Variants in SS18 observed in about 807,000 individuals in gnomAD.
SS18 encodes the protein protein SSXT.
SS18 carries 28 observed loss-of-function variants against 72.5 expected under a neutral mutation model. The ratio of observed to expected loss-of-function variants is 0.39; its 90% CI spans 0.29 to 0.53. SS18 has a LOEUF of 0.53. Among genes scored for constraint, SS18 ranks in the 20% least tolerant of loss-of-function variants. SS18 has a pLI of 0.76. For missense variants in SS18, 518 were observed against 535.3 expected (o/e 0.97, Z 0.32); for synonymous variants, 172 against 164.2 (o/e 1.05, Z -0.37).
In SS18 at chr18:26,052,918, ATT is replaced by A. The variant is rs35102280; in HGVS notation, c.386-75_386-74del. ...GTCCATACAAAAGTACCTGGAAATA[ATT>A]TTTTTTTTGCATTATTATAGTAATA... On this transcript the variant is annotated intron_variant, in intron 4 of 10. Coordinates refer to ENST00000415083, the MANE Select transcript of SS18 (RefSeq NM_001007559.3). The A allele has an allele frequency of 9.4e-4, 1,132 of 1,206,422 alleles. 6 individuals carry two copies. In the African/African-American group the frequency reaches 0.014, roughly 15 times the overall value. 74.7% of individuals were successfully genotyped at this position (1,206,422 alleles called of 1,614,324 possible). A position where few individuals can be genotyped will look rare whatever the true frequency, so the allele number is the denominator to read the frequency against.
chr18:26,036,030 G>A, intron 7 of SS18, 107 bp from the exon 8 acceptor site: 18 of 752,784 alleles, frequency 2.4e-5, no homozygotes, highest in East Asian at 1.1e-4. Context: ...AAAAAGAAAT[G>A]GAACATAAAA....
chr18:26,018,441 T>C, intron 10 of SS18, 61 bp from the exon 11 acceptor site: 2 of 1,297,730 alleles, frequency 1.5e-6, no homozygotes, highest in East Asian at 2.5e-5. Context: ...GCAAAGAAGA[T>C]TACAAACGAA....
chr18:26,026,267 T>C (rs2053445883), intron 10 of SS18, among the ~76,000 whole-genome samples: 1 of 152,184 alleles, frequency 6.6e-6, no homozygotes, highest in South Asian at 2.1e-4. Context: ...AACAAAATTT[T>C]AGCTAATCAA....
chr18:26,046,928 C>A (rs2053833970), intron 5 of SS18, among the ~76,000 whole-genome samples: 1 of 152,154 alleles, frequency 6.6e-6, no homozygotes, highest in Admixed American at 6.5e-5. Context: ...GAAAGAGCAG[C>A]TAAGAGTTCA....
At chr18:26,074,044 A>T (rs1030203179) in intron 3 of SS18, among the ~76,000 whole-genome samples, 1 of 152,148 alleles carries the variant, frequency 6.6e-6, no homozygotes, top group Non-Finnish European at 1.5e-5. Context: ...TGAGCTTGAC[A>T]GCATCCCCAT....
Position 26,017,284 on chromosome 18 carries a change from C to G in SS18, c.*1070G>C, listed in dbSNP as rs2143741872. On this transcript the variant is annotated 3_prime_UTR_variant, in exon 11 of 11. Coordinates refer to ENST00000415083, the MANE Select transcript of SS18 (RefSeq NM_001007559.3). ...AAAAGGGAAAAACATAAAAGTGTCC[C>G]TTTATAAATGATATTATTTCCAGAT... is the stretch of plus-strand genomic sequence containing the variant. The G allele has an allele frequency of 5.1e-6, 1 of 194,540 alleles. No individual in the cohort carries two copies. Among genetic ancestry groups the G allele is most frequent in the South Asian group, 1.9e-4 (1 of 5,170 alleles). 12.1% of individuals were successfully genotyped at this position (194,540 alleles called of 1,614,324 possible).
chr18:26,082,299 C>CT (rs1732711095), intron 2 of SS18: 1 of 802,974 alleles, frequency 1.2e-6, no homozygotes, highest in Middle Eastern at 6.4e-4. Flanking sequence ...AATGGACACT[C>CT]TATTTGTTGA....
chr18:26,050,457 A>C (rs976572034), intron 5 of SS18, among the ~76,000 whole-genome samples: 7 of 152,132 alleles, frequency 4.6e-5, no homozygotes, highest in African/African-American at 1.7e-4. Context: ...AAACTTCATT[A>C]ATAAAACTCT....
chr18:26,033,791 T>C (rs997228799), intron 9 of SS18, among the ~76,000 whole-genome samples: 1 of 152,086 alleles, frequency 6.6e-6, no homozygotes, highest in African/African-American at 2.4e-5. Context: ...CAAAACAGCA[T>C]TTAACTATAA....
At chr18:26,084,113 A>G (rs1177827944) in intron 2 of SS18, 1 of 152,178 alleles carries the variant, frequency 6.6e-6, no homozygotes, top group African/African-American at 2.4e-5. Context: ...AAAATAAGTA[A>G]ATGTTCAAAA....
chr18:26,066,640 T>A (rs777527456), intron 3 of SS18, among the ~76,000 whole-genome samples: 1 of 145,942 alleles, frequency 6.9e-6, no homozygotes, highest in Non-Finnish European at 1.5e-5. Context: ...ATTTCTGTTC[T>A]TCACAGTAAG....
intron 10 of SS18, among the ~76,000 whole-genome samples, chr18:26,028,050 T>C (rs886625282): frequency 6.6e-6 from 1 of 152,018 alleles, no homozygotes; most frequent in African/African-American, 2.4e-5. Flanking sequence ...AAATGATACC[T>C]GATTAAGGAC....
intron 3 of SS18, among the ~76,000 whole-genome samples, chr18:26,070,932 C>T (rs898838941): frequency 6.6e-6 from 1 of 151,834 alleles, no homozygotes; most frequent in Admixed American, 6.6e-5. Flanking sequence ...TTTAAAATGC[C>T]AGAGCAGATC....
intron 4 of SS18, 72 bp from the exon 5 acceptor site, chr18:26,052,917 A>G: frequency 3.0e-6 from 4 of 1,344,060 alleles, no homozygotes; most frequent in Non-Finnish European, 4.2e-6. Flanking sequence ...ACCTGGAAAT[A>G]ATTTTTTTTT....
At chr18:26,066,219 T>A (rs2054213161) in intron 3 of SS18, among the ~76,000 whole-genome samples, 1 of 152,126 alleles carries the variant, frequency 6.6e-6, no homozygotes, top group Admixed American at 6.5e-5. Context: ...ATTTGCTTAT[T>A]ACTGGAGCCC....
intron 5 of SS18, among the ~76,000 whole-genome samples, chr18:26,045,857 T>C (rs556306045): frequency 1.3e-5 from 2 of 151,876 alleles, no homozygotes; most frequent in Non-Finnish European, 1.5e-5. Flanking sequence ...AATGAGAAAA[T>C]ATTTAATTCA....
intron 7 of SS18, 140 bp downstream of exon 7, chr18:26,038,415 T>A (rs1215627423): frequency 1.4e-6 from 1 of 701,486 alleles, no homozygotes; most frequent in Non-Finnish European, 2.5e-6. Flanking sequence ...TCATTGGTAC[T>A]TTAGAGTACT....
intron 2 of SS18, among the ~76,000 whole-genome samples, chr18:26,081,573 C>T (rs565665916): frequency 1.1e-4 from 16 of 152,156 alleles, no homozygotes; most frequent in Non-Finnish European, 2.1e-4. Context: ...TATTTTATAA[C>T]TTTGTATATA....
At chr18:26,061,188 C>T (rs113619181) in intron 3 of SS18, among the ~76,000 whole-genome samples, 2,336 of 152,106 alleles carry the variant, frequency 0.015, 64 homozygotes, top group African/African-American at 0.054. Context: ...TGGCGTGCAC[C>T]TGTAGGCCCA....
Sources: gnomAD v4.1 joint callset for allele counts (sites outside exome capture counted in the v4.1 genomes callset) on GRCh38, gnomAD v4.1.1 for gene constraint, MANE v1.5 for transcripts, NCBI Gene and HGNC (gene_info 2026-07-23, HGNC 2026-07-21) for gene names.